BTLA: variants seen among roughly 807,000 people sequenced by gnomAD.
The protein encoded by BTLA is B- and T-lymphocyte attenuator.
BTLA carries 11 observed loss-of-function variants against 25.0 expected under a neutral mutation model. That is an observed-to-expected ratio of 0.44 (90% CI 0.28 to 0.73). The LOEUF (loss-of-function observed/expected upper bound fraction) is 0.73, where lower values mean the gene tolerates loss of function less well. Among genes scored for constraint, BTLA ranks in the 30% least tolerant of loss-of-function variants. BTLA has a pLI of 0.15. For missense variants in BTLA, 282 were observed against 332.8 expected, an observed-to-expected ratio of 0.85 and a Z score of 1.19; for synonymous variants, 104 against 119.8, an observed-to-expected ratio of 0.87 and a Z score of 0.86.
chr3:112,471,233 A>G lies in BTLA; in HGVS notation c.526T>C (p.Cys176Arg). The G allele has an allele frequency of 6.2e-7, 1 of 1,614,120 alleles. No homozygotes were observed. The highest frequency in any genetic ancestry group is 8.5e-7 in the Non-Finnish European group (1 of 1,179,970). ...LLITTCFCLF[C>R]CLRRHQGKQN... Reference sequence around the variant, plus strand: ...CCACCTTGGTGCCTTCTCAGGCAGCAGAACAGGCAGAAACAGGTAGTGATG... The same window carrying G: ...CCACCTTGGTGCCTTCTCAGGCAGCGGAACAGGCAGAAACAGGTAGTGATG... Residue 176 changes from cysteine to arginine, a missense_variant, in exon 3 of 5, where the codon TGC becomes CGC. Around this residue, in one of 2 missense-constraint regions of BTLA, gnomAD observed 163 missense variants for 230.4 expected, o/e 0.71. Transcript: ENST00000334529.
chr3:112,473,778 T>C (rs114597418), intron 2 of BTLA, among the ~76,000 whole-genome samples: 3,076 of 151,596 alleles, frequency 0.02, 82 homozygotes, highest in East Asian at 0.072. Context: ...CCGTGCCCAG[T>C]TTATTTTTTG....
chr3:112,472,989 A>G (rs1441868896), intron 2 of BTLA, among the ~76,000 whole-genome samples: 2 of 151,950 alleles, frequency 1.3e-5, no homozygotes, highest in African/African-American at 2.4e-5. Context: ...GATCAAGAAG[A>G]TCCAACTTCT....
intron 1 of BTLA, among the ~76,000 whole-genome samples, chr3:112,488,031 G>A (rs1350407901): frequency 2.6e-5 from 4 of 152,006 alleles, no homozygotes; most frequent in Non-Finnish European, 1.5e-5. Flanking sequence ...CATCAGCCAT[G>A]AAGTTCAATT....
rs1679144642 is a variant in BTLA at position 112,465,461 on chromosome 3, A to G, written c.*647T>C. The stretch of plus-strand genomic sequence containing the variant: ...CATTAATACCTATATTTGCTTATCA[A>G]TCTAACAGAGTAGATATAAGCATTT... On this transcript the variant is annotated 3_prime_UTR_variant, in exon 5 of 5. Transcript: ENST00000334529. The G allele has an allele frequency of 6.6e-6, 1 of 152,664 alleles. No individual in the cohort carries two copies. Among genetic ancestry groups the G allele is most frequent in the African/African-American group, 2.4e-5 (1 of 41,450 alleles). 9.5% of individuals were successfully genotyped at this position (152,664 alleles called of 1,614,324 possible). A position where few individuals can be genotyped will look rare whatever the true frequency, so the allele number is the denominator to read the frequency against.
At chr3:112,499,208 A>G in intron 1 of BTLA, 63 bp downstream of exon 1, 1 of 1,165,654 alleles carries the variant, frequency 8.6e-7, no homozygotes, top group Non-Finnish European at 1.3e-6. Flanking sequence ...TCAGCAAGGG[A>G]GAATGTTGCC....
chr3:112,479,994 GC>G (rs2082309501), intron 1 of BTLA, among the ~76,000 whole-genome samples: 1 of 144,864 alleles, frequency 6.9e-6, no homozygotes, highest in Non-Finnish European at 1.5e-5. Flanking sequence ...AGGCCTTTGA[GC>G]CCAAGCTAAG....
At chr3:112,478,186 G>C (rs756936011) in intron 2 of BTLA, among the ~76,000 whole-genome samples, 1 of 151,886 alleles carries the variant, frequency 6.6e-6, no homozygotes, top group Non-Finnish European at 1.5e-5. Context: ...GATTTTAGTG[G>C]AACTGCATTG....
intron 4 of BTLA, 59 bp from the exon 5 acceptor site, chr3:112,466,442 A>T (rs967389716): frequency 2.8e-6 from 4 of 1,438,238 alleles, no homozygotes; most frequent in African/African-American, 2.8e-5. Context: ...GTGCATATTC[A>T]TTAGCAAACT....
intron 2 of BTLA, among the ~76,000 whole-genome samples, chr3:112,471,951 AGTT>A (rs758596547): frequency 1.3e-5 from 2 of 152,248 alleles, no homozygotes; most frequent in Non-Finnish European, 2.9e-5. Flanking sequence ...GTTTGTCTGC[AGTT>A]GTTCACAGCT....
chr3:112,466,096 T>C lies in BTLA; in HGVS notation c.*12A>G. ...GATCATTCAATGGTCCCTGTTGGAGTCAGAAACAGACTTAACTCCTCACAC... is the reference window on the plus strand; with the variant it reads ...GATCATTCAATGGTCCCTGTTGGAGCCAGAAACAGACTTAACTCCTCACAC... On this transcript the variant is annotated 3_prime_UTR_variant, in exon 5 of 5. Coordinates refer to ENST00000334529, the MANE Select transcript of BTLA (RefSeq NM_181780.4). 1 of 1,566,976 alleles carries C rather than the reference T, an allele frequency of 6.4e-7. No individual in the cohort carries two copies. Among genetic ancestry groups the C allele is most frequent in the Non-Finnish European group, 8.7e-7 (1 of 1,148,108 alleles).
rs766848690 is a variant in BTLA at position 112,466,144 on chromosome 3, T to G, written c.834A>C (p.Ala278=). ...NSRLARNVKE[A]PTEYASICVR... is the part of the protein sequence containing the mutation. ...CACATATGGATGCATATTCTGTTGG[T>G]GCTTCTTTTACATTTCTTGCCAGTC... The change falls in exon 5 of 5, where the codon GCA becomes GCC. Residue 278 remains alanine (A), a synonymous_variant. Coordinates refer to ENST00000334529, the MANE Select transcript of BTLA (RefSeq NM_181780.4). 6.8e-6 allele frequency: 11 copies of G among 1,608,678 alleles called. No homozygotes were observed. The African/African-American group carries it at 1.2e-4, about 18-fold the overall frequency.
Position 112,466,085 on chromosome 3 carries a change from C to G in BTLA, c.*23G>C, listed in dbSNP as rs770019001. On this transcript the variant is annotated 3_prime_UTR_variant, in exon 5 of 5. Coordinates refer to ENST00000334529, the MANE Select transcript of BTLA (RefSeq NM_181780.4). ...GTCAACATGCTGATCATTCAATGGTCCCTGTTGGAGTCAGAAACAGACTTA... is the reference window on the plus strand; with the variant it reads ...GTCAACATGCTGATCATTCAATGGTGCCTGTTGGAGTCAGAAACAGACTTA... 9 of 1,546,784 alleles carry G rather than the reference C, an allele frequency of 5.8e-6. No homozygotes were observed. The East Asian group carries it at 2.1e-4, about 35-fold the overall frequency.
At chr3:112,466,958 C>CT (rs869038641) in intron 4 of BTLA, among the ~76,000 whole-genome samples, 100 of 40,864 alleles carry the variant, frequency 2.4e-3, no homozygotes, top group African/African-American at 3.7e-3. Context: ...GAAAATTCTT[C>CT]TTTTTTTTTT....
intron 1 of BTLA, among the ~76,000 whole-genome samples, chr3:112,488,770 C>T (rs899325291): frequency 1.1e-3 from 173 of 152,162 alleles, no homozygotes; most frequent in African/African-American, 3.9e-3. Context: ...CCTGCCACTG[C>T]GCCCGGGGAA....
intron 1 of BTLA, among the ~76,000 whole-genome samples, chr3:112,494,585 T>C (rs1401761639): frequency 6.6e-6 from 1 of 152,126 alleles, no homozygotes; most frequent in Non-Finnish European, 1.5e-5. Flanking sequence ...TAAAAAAGAA[T>C]GAGATCATGC....
intron 2 of BTLA, among the ~76,000 whole-genome samples, chr3:112,474,702 T>C (rs16859632): frequency 0.02 from 3,074 of 152,256 alleles, 83 homozygotes; most frequent in East Asian, 0.072. Context: ...CCTTAAGAAC[T>C]TGGAAAATTA....
intron 2 of BTLA, among the ~76,000 whole-genome samples, chr3:112,476,164 G>C (rs535440902): frequency 6.6e-6 from 1 of 152,272 alleles, no homozygotes; most frequent in East Asian, 1.9e-4. Flanking sequence ...TCCTGAAGAG[G>C]TTTATAAGCC....
intron 1 of BTLA, among the ~76,000 whole-genome samples, chr3:112,493,800 C>G (rs1009556601): frequency 4.6e-5 from 7 of 152,152 alleles, no homozygotes; most frequent in Admixed American, 4.6e-4. Flanking sequence ...CTACACCCAG[C>G]CTAAACAGAC....
At chr3:112,499,562 G>A (rs2107347128), upstream of BTLA, 4 of 529,824 alleles carry the variant, frequency 7.5e-6, no homozygotes, top group East Asian at 2.9e-5. Context: ...ACAGAAAGAC[G>A]ATGTGGTACT....
Sources: gnomAD v4.1 joint callset for allele counts (sites outside exome capture counted in the v4.1 genomes callset) on GRCh38, gnomAD v4.1.1 for gene constraint, gnomAD v4.1.1 regional missense constraint, MANE v1.5 for transcripts, NCBI Gene and HGNC (gene_info 2026-07-23, HGNC 2026-07-21) for gene names.